NCOA6: variants seen among roughly 807,000 people sequenced by gnomAD.
NCOA6 encodes NRC RAP250.
In NCOA6, 49 loss-of-function variants were observed where a neutral mutation model predicts 171.4. That is an observed-to-expected ratio of 0.29 (90% confidence interval 0.23 to 0.36). The LOEUF (loss-of-function observed/expected upper bound fraction) is 0.36, where lower values mean the gene tolerates loss of function less well. Among genes scored for constraint, NCOA6 ranks in the 10% least tolerant of loss-of-function variants. NCOA6 has a pLI of 1.00. For missense variants in NCOA6, 2,248 were observed against 2,554.5 expected, an observed-to-expected ratio of 0.88 and a Z score of 2.59; for synonymous variants, 910 against 927.5, an observed-to-expected ratio of 0.98 and a Z score of 0.34.
chr20:34,743,408 T>C, intron 10 of NCOA6, 67 bp from the exon 11 acceptor site: 1 of 1,499,434 alleles, frequency 6.7e-7, no homozygotes. Context: ...ACCTTTAGAG[T>C]ATAGCCAAGC....
At chr20:34,715,416 T>C (rs1057179810) in intron 14 of NCOA6, 51 bp from the exon 15 acceptor site, 6 of 1,386,838 alleles carry the variant, frequency 4.3e-6, no homozygotes, top group Non-Finnish European at 6.2e-6. Context: ...TTTACAGCAG[T>C]GCCCTTTAGA....
At chr20:34,763,442 T>C (rs750008993) in intron 5 of NCOA6, among the ~76,000 whole-genome samples, 20 of 152,238 alleles carry the variant, frequency 1.3e-4, no homozygotes, top group Non-Finnish European at 2.1e-4. Context: ...TTATGTTTGA[T>C]AGTGTCTTGT....
intron 3 of NCOA6, among the ~76,000 whole-genome samples, chr20:34,779,110 T>C (rs572308138): frequency 2.6e-5 from 4 of 152,284 alleles, no homozygotes; most frequent in African/African-American, 9.6e-5. Flanking sequence ...ACATGTATTA[T>C]ACAATAAAAA....
At chr20:34,721,427 G>C (rs117455133) in intron 14 of NCOA6, among the ~76,000 whole-genome samples, 6,180 of 107,670 alleles carry the variant, frequency 0.057, 193 homozygotes, top group South Asian at 0.075. Flanking sequence ...TCTTCATCTG[G>C]CTGTTCATTT....
At chr20:34,805,473 A>C (rs1568882415) in intron 1 of NCOA6, among the ~76,000 whole-genome samples, 1 of 152,196 alleles carries the variant, frequency 6.6e-6, no homozygotes, top group Admixed American at 6.5e-5. Context: ...ATGTTGCTAC[A>C]AATGACAAGA....
chr20:34,721,236 TA>T (rs1989279156), intron 14 of NCOA6, among the ~76,000 whole-genome samples: 2 of 9,728 alleles, frequency 2.1e-4, no homozygotes, highest in Non-Finnish European at 3.5e-4. Context: ...TCTTCCTCTA[TA>T]CAAAAAAAAA....
chr20:34,774,809 T>A (rs1390000873), intron 4 of NCOA6, among the ~76,000 whole-genome samples: 2 of 152,214 alleles, frequency 1.3e-5, no homozygotes, highest in Admixed American at 1.3e-4. Context: ...CTTCCGAGTT[T>A]ATAACAATAA....
At chr20:34,804,964 A>G (rs935146786) in intron 1 of NCOA6, among the ~76,000 whole-genome samples, 15 of 151,840 alleles carry the variant, frequency 9.9e-5, no homozygotes, top group Non-Finnish European at 1.0e-4. Context: ...TTTTGTATCC[A>G]TTAACCAGTC....
In NCOA6 at chr20:34,742,026, A is replaced by C. The variant is rs761079013; in HGVS notation, c.4230T>G (p.Gly1410=). ...AGCTCTCCTTGTTATCCTCAACAAC[A>C]CCCCCAACTGCAGCCACAGACACAG... ...NSTVSVAAVG[G]VVEDNKESLN... is the part of the protein sequence containing the mutation. Residue 1410 remains glycine (G), a synonymous_variant, in exon 11 of 15, where the codon GGT becomes GGG. Coordinates refer to ENST00000359003, the MANE Select transcript of NCOA6 (RefSeq NM_014071.5). 3 of 1,614,008 alleles carry C rather than the reference A, an allele frequency of 1.9e-6. No individual in the cohort carries two copies. Among genetic ancestry groups the C allele is most frequent in the Non-Finnish European group, 2.5e-6 (3 of 1,180,012 alleles).
chr20:34,783,788 A>T (rs2077581236), intron 2 of NCOA6, among the ~76,000 whole-genome samples: 1 of 152,014 alleles, frequency 6.6e-6, no homozygotes, highest in African/African-American at 2.4e-5. Context: ...ATGCCTGGCT[A>T]ATCTTTTGTA....
chr20:34,758,226 G>C lies in NCOA6; in HGVS notation c.644-122C>G, dbSNP rs921505553. The C allele has an allele frequency of 2.3e-6, 3 of 1,279,558 alleles. No individual in the cohort carries two copies. The African/African-American group carries it at 4.5e-5, about 19-fold the overall frequency. The allele number at this position is 1,279,558 out of a possible 1,614,324, so 79.3% of individuals were successfully genotyped here. On this transcript the variant is annotated intron_variant, in intron 6 of 14. Transcript: ENST00000359003. Reference sequence around the variant, plus strand: ...GCTGGTACTATTCGATAAAATAAATGCTTGTGAATACCTTCTATGTATGAA... The same window carrying C: ...GCTGGTACTATTCGATAAAATAAATCCTTGTGAATACCTTCTATGTATGAA...
chr20:34,760,624 C>T (rs1441674343), intron 5 of NCOA6, among the ~76,000 whole-genome samples: 3 of 152,124 alleles, frequency 2.0e-5, no homozygotes, highest in Non-Finnish European at 2.9e-5. Flanking sequence ...ATAGGTCATA[C>T]TAATTGATTT....
intron 13 of NCOA6, among the ~76,000 whole-genome samples, chr20:34,728,494 T>A (rs1365361072): frequency 6.6e-6 from 1 of 152,166 alleles, no homozygotes; most frequent in South Asian, 2.1e-4. Flanking sequence ...AGAGGGGTGC[T>A]ACCGGAATCT....
At chr20:34,798,210 G>A (rs1287238257) in intron 1 of NCOA6, among the ~76,000 whole-genome samples, 2 of 152,170 alleles carry the variant, frequency 1.3e-5, no homozygotes, top group East Asian at 3.9e-4. Context: ...GGTGGTGGCG[G>A]CCGTAGGGAA....
rs901374348 is a variant in NCOA6 at position 34,811,215 on chromosome 20, A to G, written c.-164+14257T>C. Among the ~76,000 whole-genome samples, 24 of 130,484 alleles carry G rather than the reference A, an allele frequency of 1.8e-4. 2 individuals are homozygous for G. The highest frequency in any genetic ancestry group is 3.1e-4 in the Non-Finnish European group (19 of 60,934). 85.6% of individuals were successfully genotyped at this position (130,484 alleles called of 152,430 possible). On this transcript the variant is annotated intron_variant, in intron 1 of 14. Coordinates refer to ENST00000359003, the MANE Select transcript of NCOA6 (RefSeq NM_014071.5). The stretch of plus-strand genomic sequence containing the variant: ...AACAACAACGTGTATATATATATAT[A>G]TATATATATATATATATATATGCTT...
At chr20:34,732,408 G>A in intron 13 of NCOA6, 151 bp downstream of exon 13, 1 of 616,962 alleles carries the variant, frequency 1.6e-6, no homozygotes, top group Non-Finnish European at 2.7e-6. Flanking sequence ...TAGGACTCAT[G>A]ACAGCTCTCT....
chr20:34,804,564 G>A (rs2078379279), intron 1 of NCOA6, among the ~76,000 whole-genome samples: 1 of 150,902 alleles, frequency 6.6e-6, no homozygotes, highest in Non-Finnish European at 1.5e-5. Flanking sequence ...CAACAGAAGT[G>A]GTTAAACAAT....
intron 3 of NCOA6, chr20:34,776,860 T>C: frequency 2.3e-6 from 1 of 431,938 alleles, no homozygotes; most frequent in South Asian, 1.7e-5. Flanking sequence ...GGCTCATGCC[T>C]ATAATCCCAG....
At chr20:34,758,210 A>G in intron 6 of NCOA6, 106 bp from the exon 7 acceptor site, 2 of 1,379,810 alleles carry the variant, frequency 1.4e-6, no homozygotes, top group Non-Finnish European at 1.9e-6. Context: ...TGCTGGTACT[A>G]TTCGATAAAA....
Sources: allele counts gnomAD v4.1 joint callset (sites outside exome capture counted in the v4.1 genomes callset), GRCh38; gene constraint gnomAD v4.1.1; transcripts MANE v1.5; gene names NCBI Gene and HGNC (gene_info 2026-07-23, HGNC 2026-07-21).